PIK3C2G: variants seen among roughly 807,000 people sequenced by gnomAD.
PIK3C2G encodes the protein phosphatidylinositol 3-kinase C2 domain-containing subunit gamma.
PIK3C2G carries 168 observed loss-of-function variants against 181.1 expected under a neutral mutation model. The ratio of observed to expected loss-of-function variants is 0.93; its 90% CI spans 0.82 to 1.05. The LOEUF (loss-of-function observed/expected upper bound fraction) is 1.05. Ranked by LOEUF, PIK3C2G falls within the 50% of genes least tolerant of loss-of-function variation. The probability of loss-of-function intolerance (pLI) is 0.00; values close to 1 mark genes in which losing one functional copy is unlikely to be tolerated. For synonymous variants in PIK3C2G, 573 were observed against 592.2 expected (o/e 0.97, Z 0.47); for missense variants, 1,869 against 1,732.8 (o/e 1.08, Z -1.40).
At chr12:18,673,709 C>A in the PIK3C2G span, among the ~76,000 whole-genome samples, 2 of 152,190 alleles carry the variant, frequency 1.3e-5, no homozygotes, top group African/African-American at 4.8e-5. Context: ...CACAAGGCTA[C>A]AAAGGGTCTG....
intron 16 of PIK3C2G, among the ~76,000 whole-genome samples, chr12:18,401,215 A>G (rs1944233477): frequency 6.6e-6 from 1 of 152,086 alleles, no homozygotes; most frequent in Non-Finnish European, 1.5e-5. Context: ...TTATTTTTAC[A>G]GTAGTTTAAC....
intron 18 of PIK3C2G, among the ~76,000 whole-genome samples, chr12:18,483,835 A>G (rs973351262): frequency 2.0e-5 from 3 of 152,216 alleles, no homozygotes; most frequent in Admixed American, 1.3e-4. Flanking sequence ...TATGGCAACA[A>G]AGATTTATTT....
chr12:18,443,589 T>C (rs1054483476), intron 18 of PIK3C2G, among the ~76,000 whole-genome samples: 4 of 152,114 alleles, frequency 2.6e-5, no homozygotes, highest in Admixed American at 6.6e-5. Flanking sequence ...CTTCTATATG[T>C]ATCAGAAGAA....
Position 18,562,725 on chromosome 12 carries a change from T to C in PIK3C2G, c.3613T>C (p.Cys1205Arg), listed in dbSNP as rs1945415214. Residue 1205 changes from cysteine (C) to arginine (R), a missense_variant, in exon 27 of 33, where the codon TGT (cysteine) becomes CGT (arginine). Coordinates refer to ENST00000538779, the MANE Select transcript of PIK3C2G (RefSeq NM_001288772.2). Reference protein sequence around the residue: ...FTKKIKESLECFPVKLNNLIH... With the variant: ...FTKKIKESLERFPVKLNNLIH... The stretch of plus-strand genomic sequence containing the variant: ...TAGGAAAATAAAGGAAAGTCTGGAG[T>C]GTTTCCCTGTTAAATTGAATAACTT... 6.3e-7 allele frequency: 1 copy of C among 1,598,124 alleles called. No homozygotes were observed. The highest frequency in any genetic ancestry group is 8.5e-7 in the Non-Finnish European group (1 of 1,170,410).
intron 5 of PIK3C2G, among the ~76,000 whole-genome samples, chr12:18,306,558 T>G (rs1314567598): frequency 6.6e-6 from 1 of 152,078 alleles, no homozygotes; most frequent in Non-Finnish European, 1.5e-5. Flanking sequence ...ATTTTATTAG[T>G]TGCAAAGACC....
At chr12:18,477,293 C>T (rs757493355) in intron 18 of PIK3C2G, among the ~76,000 whole-genome samples, 4 of 152,158 alleles carry the variant, frequency 2.6e-5, no homozygotes, top group Middle Eastern at 3.4e-3. Flanking sequence ...GTAGATTAAA[C>T]GACAGGACAG....
intron 29 of PIK3C2G, 142 bp from the exon 30 acceptor site, chr12:18,594,352 T>C: frequency 1.9e-6 from 1 of 536,456 alleles, no homozygotes; most frequent in Non-Finnish European, 3.2e-6. Context: ...TAATTAACCT[T>C]TCTAATATAC....
intron 8 of PIK3C2G, among the ~76,000 whole-genome samples, chr12:18,325,836 G>T (rs1951322159): frequency 6.6e-6 from 1 of 152,010 alleles, no homozygotes; most frequent in Admixed American, 6.6e-5. Flanking sequence ...AAAATCAGAT[G>T]AAAGAAGCAG....
At chr12:18,465,474 T>G (rs79883276) in intron 18 of PIK3C2G, among the ~76,000 whole-genome samples, 3,782 of 152,026 alleles carry the variant, frequency 0.025, 146 homozygotes, top group African/African-American at 0.087. Context: ...CTGAAAAGGC[T>G]TCTTAGTGGA....
At chr12:18,646,221 T>C (rs184073392) in intron 32 of PIK3C2G, among the ~76,000 whole-genome samples, 7 of 152,314 alleles carry the variant, frequency 4.6e-5, no homozygotes, top group Admixed American at 3.9e-4. Flanking sequence ...TGTATTTTCA[T>C]AATTAAAACA....
chr12:18,433,920 G>A (rs1946303198), intron 18 of PIK3C2G, among the ~76,000 whole-genome samples: 1 of 152,174 alleles, frequency 6.6e-6, no homozygotes, highest in South Asian at 2.1e-4. Context: ...ACAGAAAATT[G>A]AATGTCATCA....
chr12:18,346,658 A>G lies in PIK3C2G; in HGVS notation c.1447A>G (p.Thr483Ala). 1 of 1,608,220 alleles carries G rather than the reference A, an allele frequency of 6.2e-7. No homozygotes were observed. Among genetic ancestry groups the G allele is most frequent in the Non-Finnish European group, 8.5e-7 (1 of 1,176,264 alleles). The change falls in exon 11 of 33, where the codon ACA becomes GCA. Residue 483 changes from threonine (T) to alanine (A), a missense_variant. Thr to Ala is a moderately conservative substitution (Grantham distance 58). Transcript: ENST00000538779. ...TSAKGLIEKV[T>A]TELSTSIYQL... is the part of the protein sequence containing the mutation. Reference sequence around the variant, plus strand: ...CTTTCTAGGCTTGATAGAGAAGGTAACAACTGAACTATCCACATCCATCTA... The same window carrying G: ...CTTTCTAGGCTTGATAGAGAAGGTAGCAACTGAACTATCCACATCCATCTA...
intron 16 of PIK3C2G, among the ~76,000 whole-genome samples, chr12:18,405,666 A>G (rs1944488355): frequency 6.6e-6 from 1 of 152,154 alleles, no homozygotes; most frequent in Non-Finnish European, 1.5e-5. Context: ...AAGAAGTATT[A>G]AATAGAATTA....
chr12:18,305,318 C>T (rs981226509), intron 5 of PIK3C2G, among the ~76,000 whole-genome samples: 3 of 144,270 alleles, frequency 2.1e-5, no homozygotes, highest in Non-Finnish European at 4.7e-5. Flanking sequence ...GTAAAAATGA[C>T]AGCATATTTC....
intron 6 of PIK3C2G, among the ~76,000 whole-genome samples, chr12:18,316,218 A>G (rs1270792776): frequency 6.6e-6 from 1 of 152,186 alleles, no homozygotes; most frequent in Admixed American, 6.5e-5. Flanking sequence ...GAGCAAAACT[A>G]TGTGGCTACA....
intron 18 of PIK3C2G, 65 bp from the exon 19 acceptor site, chr12:18,488,384 C>A: frequency 9.0e-7 from 1 of 1,113,268 alleles, no homozygotes; most frequent in Non-Finnish European, 1.2e-6. Context: ...CTTACTGTTC[C>A]GGCTGGATGT....
At chr12:18,558,577 G>T (rs1207795853) in intron 26 of PIK3C2G, among the ~76,000 whole-genome samples, 2 of 152,072 alleles carry the variant, frequency 1.3e-5, no homozygotes, top group South Asian at 4.1e-4. Flanking sequence ...TACTGACTTT[G>T]TGTCAGCCAC....
chr12:18,684,337 A>G, the PIK3C2G span: 1 of 1,502,222 alleles, frequency 6.7e-7, no homozygotes, highest in African/African-American at 1.4e-5. Flanking sequence ...AGGAAAAAAT[A>G]GATTACATTT....
chr12:18,696,899 C>T, the PIK3C2G span, among the ~76,000 whole-genome samples: 343 of 152,208 alleles, frequency 2.3e-3, no homozygotes, highest in Non-Finnish European at 4.0e-3. Context: ...GTCGTTCTTA[C>T]TGGGATAATC....
Sources: gnomAD v4.1 joint callset for allele counts (sites outside exome capture counted in the v4.1 genomes callset) on GRCh38, gnomAD v4.1.1 for gene constraint, MANE v1.5 for transcripts, NCBI Gene and HGNC (gene_info 2026-07-23, HGNC 2026-07-21) for gene names.